SLIT2: variants seen among roughly 807,000 people sequenced by gnomAD.
SLIT2 encodes slit guidance ligand 2.
Under a neutral mutation model 185.7 loss-of-function variants are expected in SLIT2, and 41 were observed. The ratio of observed to expected loss-of-function variants is 0.22; its 90% CI spans 0.17 to 0.29. SLIT2 has a LOEUF of 0.29. Ranked by LOEUF, SLIT2 falls within the 10% of genes least tolerant of loss-of-function variation. The pLI is 1.00. For synonymous variants in SLIT2, 693 were observed against 680.2 expected, an observed-to-expected ratio of 1.02 and a Z score of -0.29; for missense variants, 1,571 against 1,909.0, an observed-to-expected ratio of 0.82 and a Z score of 3.30.
chr4:20,518,243 A>ATGTG (rs1430445550), intron 11 of SLIT2, among the ~76,000 whole-genome samples: 2 of 101,912 alleles, frequency 2.0e-5, no homozygotes, highest in Admixed American at 2.5e-4. Context: ...GTGTGTGTAT[A>ATGTG]TATATATATA....
intron 4 of SLIT2, among the ~76,000 whole-genome samples, chr4:20,276,808 G>T (rs974165646): frequency 1.3e-5 from 2 of 152,152 alleles, no homozygotes; most frequent in African/African-American, 4.8e-5. Context: ...AGTTCTGTTT[G>T]TTCTATGTCT....
rs1269732989 is a variant in SLIT2, at chr4:20,528,961, A to T, written c.1475A>T (p.Tyr492Phe). 2.5e-6 allele frequency: 4 copies of T among 1,613,828 alleles called. No individual in the cohort carries two copies. In the Admixed American group the frequency reaches 5.0e-5, roughly 20 times the overall value. ...EQYFIPGTED[Y>F]RSKLSGDCFA... ...GAATTCTCAATAGGTACAGAAGATT[A>T]TCGATCAAAATTAAGTGGAGACTGC... is the stretch of plus-strand genomic sequence containing the variant. Residue 492 changes from tyrosine (Y) to phenylalanine (F), a missense_variant, in exon 16 of 37, where the codon TAT becomes TTT. Coordinates refer to ENST00000504154, the MANE Select transcript of SLIT2 (RefSeq NM_004787.4). This position sits in a 1 kb window ranked among gnomAD's most constrained non-coding sequence, Gnocchi z 4.2.
intron 4 of SLIT2, among the ~76,000 whole-genome samples, chr4:20,370,367 G>A (rs1723471973): frequency 6.6e-6 from 1 of 151,994 alleles, no homozygotes; most frequent in African/African-American, 2.4e-5. Flanking sequence ...TCCCTGAGGC[G>A]GCCAATGCCT....
chr4:20,496,133 T>C (rs903437579), intron 9 of SLIT2, among the ~76,000 whole-genome samples: 2 of 152,196 alleles, frequency 1.3e-5, no homozygotes, highest in East Asian at 1.9e-4. Context: ...TCTCATGATA[T>C]AATTCTAATG....
chr4:20,545,971 T>C, intron 21 of SLIT2, 60 bp from the exon 22 acceptor site: 1 of 979,756 alleles, frequency 1.0e-6, no homozygotes, highest in Non-Finnish European at 1.6e-6. Context: ...TACTGTTTAC[T>C]TATTTTATTC....
At chr4:20,416,491 G>A (rs1727699163) in intron 4 of SLIT2, among the ~76,000 whole-genome samples, 1 of 151,796 alleles carries the variant, frequency 6.6e-6, no homozygotes, top group Non-Finnish European at 1.5e-5. Context: ...TGAATTTTGG[G>A]GAGACACAAT....
intron 4 of SLIT2, among the ~76,000 whole-genome samples, chr4:20,305,053 A>T (rs1416416717): frequency 6.6e-6 from 1 of 152,182 alleles, no homozygotes; most frequent in Non-Finnish European, 1.5e-5. Flanking sequence ...CTATATTTTT[A>T]CTGCATTTTG....
chr4:20,358,560 T>C (rs1322681154), intron 4 of SLIT2, among the ~76,000 whole-genome samples: 2 of 152,270 alleles, frequency 1.3e-5, no homozygotes, highest in East Asian at 3.9e-4. Context: ...GGGTGTCTAC[T>C]CTGTGAGACA....
chr4:20,483,632 C>T (rs943350579), intron 6 of SLIT2, among the ~76,000 whole-genome samples: 11 of 151,912 alleles, frequency 7.2e-5, no homozygotes, highest in East Asian at 1.9e-4. Flanking sequence ...CTCTGCCAAA[C>T]GATATGCATG....
At chr4:20,385,149 A>T (rs1724832665) in intron 4 of SLIT2, among the ~76,000 whole-genome samples, 1 of 152,108 alleles carries the variant, frequency 6.6e-6, no homozygotes, top group Admixed American at 6.6e-5. Context: ...GGATTAGATC[A>T]CCTTTGCCAG....
At chr4:20,574,103 C>T (rs1002848629) in intron 29 of SLIT2, among the ~76,000 whole-genome samples, 9 of 151,728 alleles carry the variant, frequency 5.9e-5, no homozygotes, top group African/African-American at 1.2e-4. Flanking sequence ...TACAGGTGTC[C>T]GCCGCCATGC....
At chr4:20,585,815 C>T (rs571924712) in intron 29 of SLIT2, among the ~76,000 whole-genome samples, 1 of 152,158 alleles carries the variant, frequency 6.6e-6, no homozygotes, top group East Asian at 1.9e-4. Flanking sequence ...AACTCAATTC[C>T]CCTATTTTTT....
chr4:20,332,171 G>A (rs1720114982), intron 4 of SLIT2, among the ~76,000 whole-genome samples: 1 of 151,982 alleles, frequency 6.6e-6, no homozygotes, highest in Non-Finnish European at 1.5e-5. Flanking sequence ...TTTCCAATCT[G>A]GATGTCATAT....
chr4:20,530,444 C>A (rs1166371872), intron 16 of SLIT2, among the ~76,000 whole-genome samples: 1 of 151,944 alleles, frequency 6.6e-6, no homozygotes, highest in African/African-American at 2.4e-5. Flanking sequence ...CCACCACACC[C>A]AGCTAATTTT....
At chr4:20,465,964 C>CTT (rs34983010) in intron 4 of SLIT2, among the ~76,000 whole-genome samples, 2,670 of 146,110 alleles carry the variant, frequency 0.018, 57 homozygotes, top group East Asian at 0.058. Flanking sequence ...CTCTTTGAGG[C>CTT]TTTTTTTTTT....
chr4:20,266,705 A>T (rs1713066609), intron 3 of SLIT2, among the ~76,000 whole-genome samples: 1 of 151,982 alleles, frequency 6.6e-6, no homozygotes, highest in African/African-American at 2.4e-5. Flanking sequence ...TTTAGTCTTT[A>T]TGCTTGAAGA....
intron 6 of SLIT2, among the ~76,000 whole-genome samples, chr4:20,483,852 A>G (rs909490636): frequency 6.6e-6 from 1 of 152,120 alleles, no homozygotes; most frequent in Non-Finnish European, 1.5e-5. Flanking sequence ...ATTATTTCAG[A>G]ATGGAAGTTG....
intron 9 of SLIT2, among the ~76,000 whole-genome samples, chr4:20,498,480 T>G (rs1277360742): frequency 6.6e-6 from 1 of 152,216 alleles, no homozygotes; most frequent in African/African-American, 2.4e-5. Flanking sequence ...TTAGATCACC[T>G]TTTGAGGTAT....
intron 29 of SLIT2, among the ~76,000 whole-genome samples, chr4:20,581,935 C>T (rs1019157783): frequency 3.9e-5 from 6 of 152,112 alleles, no homozygotes; most frequent in Non-Finnish European, 8.8e-5. Context: ...TTAGTAGAGA[C>T]GGGGTTTCAC....
Sources: allele counts gnomAD v4.1 joint callset (sites outside exome capture counted in the v4.1 genomes callset), GRCh38; gene constraint gnomAD v4.1.1; non-coding constraint Gnocchi (gnomAD v3.1); transcripts MANE v1.5; gene names NCBI Gene and HGNC (gene_info 2026-07-23, HGNC 2026-07-21).